TARM1: variants seen among roughly 807,000 people sequenced by gnomAD.
TARM1 encodes T-cell-interacting, activating receptor on myeloid cells protein 1.
TARM1 carries 24 observed loss-of-function variants against 30.4 expected under a neutral mutation model. The observed-to-expected ratio is 0.79, with a 90% CI of 0.57 to 1.11. The LOEUF (loss-of-function observed/expected upper bound fraction) is 1.11, where lower values mean the gene tolerates loss of function less well. Among genes scored for constraint, TARM1 ranks in the 50% least tolerant of loss-of-function variants. The pLI is 0.00. For missense variants in TARM1, 323 were observed against 332.8 expected (o/e 0.97, Z 0.23); for synonymous variants, 129 against 138.9 (o/e 0.93, Z 0.50).
chr19:54,075,297 C>T (rs942910694), intron 2 of TARM1, among the ~76,000 whole-genome samples, 183 bp from the exon 3 acceptor site: 1 of 151,890 alleles, frequency 6.6e-6, no homozygotes, highest in African/African-American at 2.4e-5. Flanking sequence ...AAGCAATTCT[C>T]CTGCCTCAGC....
intron 4 of TARM1, among the ~76,000 whole-genome samples, chr19:54,071,151 T>C (rs2071801514): frequency 6.6e-6 from 1 of 151,986 alleles, no homozygotes; most frequent in African/African-American, 2.4e-5. Context: ...AGAGATGGGT[T>C]TTCGCCATGT....
rs1177584301 is a variant in TARM1, at chr19:54,080,174, A to G, written c.34+1133T>C. Among the ~76,000 whole-genome samples the G allele has an allele frequency of 2.3e-5, 3 of 132,076 alleles. 1 individual carries two copies. The South Asian group carries it at 8.0e-4, about 35-fold the overall frequency. The allele number at this position is 132,076 out of a possible 152,430, so 86.6% of individuals were successfully genotyped here. A position where few individuals can be genotyped will look rare whatever the true frequency, so the allele number is the denominator to read the frequency against. ...AAGCAAGCAAGCAAGCAAGCAAGCA[A>G]GCAAGCAAGCAAGCAAGCAGGCAAG... On this transcript the variant is annotated intron_variant, in intron 1 of 4. Coordinates refer to ENST00000432826, the MANE Select transcript of TARM1 (RefSeq NM_001135686.3).
intron 1 of TARM1, among the ~76,000 whole-genome samples, chr19:54,080,184 C>A (rs200742429): frequency 0.047 from 4,778 of 102,314 alleles, 534 homozygotes; most frequent in South Asian, 0.076. Context: ...AGCAAGCAAG[C>A]AAGCAAGCAG....
At chr19:54,071,404 A>G (rs959609065) in intron 4 of TARM1, among the ~76,000 whole-genome samples, 1 of 151,922 alleles carries the variant, frequency 6.6e-6, no homozygotes, top group Non-Finnish European at 1.5e-5. Context: ...CCGCATCCTT[A>G]TGTTAAGGAA....
chr19:54,070,770 A>C (rs1396560016), intron 4 of TARM1, among the ~76,000 whole-genome samples: 1 of 144,056 alleles, frequency 6.9e-6, no homozygotes, highest in East Asian at 2.1e-4. Flanking sequence ...GTGCCACCAC[A>C]CCCGGCTAAT....
intron 1 of TARM1, chr19:54,076,226 TCTTTCTTTCTTTTTCTTTC>T: frequency 1.3e-6 from 2 of 1,514,522 alleles, no homozygotes; most frequent in Middle Eastern, 1.7e-4. Flanking sequence ...ACCATTTCTT[TCTTTCTTTCTTTTTCTTTC>T]CTTTCTTTCT....
At chr19:54,080,832 G>A (rs1484351454) in intron 1 of TARM1, among the ~76,000 whole-genome samples, 2 of 151,826 alleles carry the variant, frequency 1.3e-5, no homozygotes, top group African/African-American at 4.8e-5. Flanking sequence ...AATTAACCAG[G>A]CATGGTGGCG....
At chr19:54,072,339 C>T (rs1981945) in intron 4 of TARM1, among the ~76,000 whole-genome samples, 36,092 of 151,998 alleles carry the variant, frequency 0.24, 4,710 homozygotes, top group East Asian at 0.55. Context: ...GCAGTTACAA[C>T]AGATGAAAAA....
In TARM1 at chr19:54,074,868, TG is replaced by T. The variant is rs773860043; in HGVS notation, c.316del (p.His106ThrfsTer14). On this transcript the variant is annotated frameshift_variant, in exon 3 of 5. Transcript: ENST00000432826. ...TCEYYRKASP[H>X]ILSQHSDVLL... is the part of the protein sequence containing the mutation. ...GACGTCACTGTGCTGTGAAAGGATG[TG>T]GGGGGATGCTTTTCTGTAGTATTCA... The T allele has an allele frequency of 4.5e-6, 7 of 1,551,474 alleles. No homozygotes were observed. The highest frequency in any genetic ancestry group is 1.7e-4 in the Middle Eastern group (1 of 6,014).
chr19:54,079,405 G>A (rs972387357), intron 1 of TARM1, among the ~76,000 whole-genome samples: 8 of 152,172 alleles, frequency 5.3e-5, no homozygotes, highest in African/African-American at 2.4e-5. Context: ...AGCTAGACCA[G>A]GCCACAGGAT....
chr19:54,079,157 G>A (rs587660311), intron 1 of TARM1, among the ~76,000 whole-genome samples: 8 of 151,228 alleles, frequency 5.3e-5, no homozygotes, highest in South Asian at 2.1e-4. Context: ...CCAGCTACTC[G>A]GGAGGGAGAG....
chr19:54,070,834 AC>A (rs2071793689), intron 4 of TARM1, among the ~76,000 whole-genome samples: 1 of 151,428 alleles, frequency 6.6e-6, no homozygotes, highest in African/African-American at 2.4e-5. Context: ...CTGGTCTCGA[AC>A]TCCTGACCTC....
chr19:54,080,112 G>A (rs796460), intron 1 of TARM1, among the ~76,000 whole-genome samples: 3,301 of 29,048 alleles, frequency 0.11, 471 homozygotes, highest in African/African-American at 0.32. Flanking sequence ...AGGAAGGAAG[G>A]AAGGAAGGAA....
chr19:54,076,968 A>G (rs1483788872), intron 1 of TARM1, among the ~76,000 whole-genome samples: 2 of 152,132 alleles, frequency 1.3e-5, no homozygotes, highest in Non-Finnish European at 2.9e-5. Flanking sequence ...AAGCCTCAAA[A>G]CATCCAAATG....
Position 54,074,071 on chromosome 19 carries a change from G to A in TARM1, c.507C>T (p.Ile169=), listed in dbSNP as rs1421698138. 1 of 1,551,568 alleles carries A rather than the reference G, an allele frequency of 6.4e-7. No individual in the cohort carries two copies. ...CCTTCCCCGCTGGACTCTGCAGCTGGATGGGTGATGGCGTCCCTGCCTTCA... is the reference window on the plus strand; with the variant it reads ...CCTTCCCCGCTGGACTCTGCAGCTGAATGGGTGATGGCGTCCCTGCCTTCA... The part of the protein sequence containing the change: ...ALLKAGTPSP[I]QLQSPAGKEI... Residue 169 remains isoleucine, a synonymous_variant, in exon 4 of 5, where the codon ATC becomes ATT. Coordinates refer to ENST00000432826, the MANE Select transcript of TARM1 (RefSeq NM_001135686.3).
At chr19:54,072,221 C>T (rs1034878971) in intron 4 of TARM1, among the ~76,000 whole-genome samples, 1 of 152,062 alleles carries the variant, frequency 6.6e-6, no homozygotes, top group African/African-American at 2.4e-5. Flanking sequence ...ACTCTGGTCT[C>T]CCACTTACCT....
At chr19:54,076,811 G>A (rs2071967441) in intron 1 of TARM1, among the ~76,000 whole-genome samples, 1 of 151,998 alleles carries the variant, frequency 6.6e-6, no homozygotes, top group South Asian at 2.1e-4. Context: ...CCGAGTAGCT[G>A]GGATCACAGG....
At position 54,074,153 on chromosome 19, in the gene TARM1, A is replaced by G; in HGVS notation, c.425T>C (p.Val142Ala). 1 of 1,551,658 alleles carries G rather than the reference A, an allele frequency of 6.4e-7. No individual in the cohort carries two copies. The highest frequency in any genetic ancestry group is 1.2e-5 in the South Asian group (1 of 84,052). ...QRGTVTAGGRVTLQCQKRDQL... is the reference protein window; with the variant it reads ...QRGTVTAGGRATLQCQKRDQL... Reference sequence around the variant, plus strand: ...GTCTCGCTTCTGGCACTGCAGAGTCACCCTTCCACCTGCGGTCACTGTACC... The same window carrying G: ...GTCTCGCTTCTGGCACTGCAGAGTCGCCCTTCCACCTGCGGTCACTGTACC... The change falls in exon 4 of 5, where the codon GTG becomes GCG. Residue 142 changes from valine to alanine, a missense_variant. Coordinates refer to ENST00000432826, the MANE Select transcript of TARM1 (RefSeq NM_001135686.3).
chr19:54,081,192 TC>T, intron 1 of TARM1, 114 bp downstream of exon 1: 1 of 969,720 alleles, frequency 1.0e-6, no homozygotes, highest in Non-Finnish European at 1.6e-6. Flanking sequence ...GACGTCTCAC[TC>T]CTCCCGTGTG....
Sources: allele counts gnomAD v4.1 joint callset (sites outside exome capture counted in the v4.1 genomes callset), GRCh38; gene constraint gnomAD v4.1.1; transcripts MANE v1.5; gene names NCBI Gene and HGNC (gene_info 2026-07-23, HGNC 2026-07-21).